Variants in MMP20 observed in about 807,000 individuals in gnomAD.
MMP20 encodes the protein matrix metalloproteinase-20.
Under a neutral mutation model 51.8 loss-of-function variants are expected in MMP20, and 50 were observed. The observed-to-expected ratio is 0.97, with a 90% CI of 0.77 to 1.22. The LOEUF is 1.22. MMP20 is among the 50% of genes most tolerant of loss of function. MMP20 has a pLI of 0.00. For missense variants in MMP20, 663 were observed against 601.4 expected, an observed-to-expected ratio of 1.10 and a Z score of -1.07; for synonymous variants, 244 against 216.2, an observed-to-expected ratio of 1.13 and a Z score of -1.13.
chr11:102,590,875 G>A (rs1042573538), intron 8 of MMP20, among the ~76,000 whole-genome samples: 1 of 152,148 alleles, frequency 6.6e-6, no homozygotes, highest in African/African-American at 2.4e-5. Context: ...CTCGAGTCAT[G>A]AGGCAACCAC....
At chr11:102,621,016 C>T (rs1050031720) in intron 1 of MMP20, among the ~76,000 whole-genome samples, 2 of 152,216 alleles carry the variant, frequency 1.3e-5, no homozygotes, top group African/African-American at 2.4e-5. Context: ...CACACATCTG[C>T]GTGGCTGGCC....
chr11:102,613,300 C>T (rs1047834371), intron 2 of MMP20, among the ~76,000 whole-genome samples: 1 of 152,184 alleles, frequency 6.6e-6, no homozygotes, highest in African/African-American at 2.4e-5. Flanking sequence ...TTGGGCTGGG[C>T]TGGAATATGA....
At position 102,610,001 on chromosome 11, in the gene MMP20, G is replaced by A; in HGVS notation, c.553C>T (p.Pro185Ser). ...DHGDSYPFDGPRGTLAHAFAP... is the reference protein window; with the variant it reads ...DHGDSYPFDGSRGTLAHAFAP... ...AATGCATGGGCTAGAGTCCCCCGAGGCCCATCGAATGGATAGGAATCCCCG... is the reference window on the plus strand; with the variant it reads ...AATGCATGGGCTAGAGTCCCCCGAGACCCATCGAATGGATAGGAATCCCCG... Residue 185 changes from proline to serine, a missense_variant, in exon 4 of 10, where the codon CCT becomes TCT. Coordinates refer to ENST00000260228, the MANE Select transcript of MMP20 (RefSeq NM_004771.4). 2 of 1,614,142 alleles carry A rather than the reference G, an allele frequency of 1.2e-6. No homozygotes were observed. Among genetic ancestry groups the A allele is most frequent in the Non-Finnish European group, 8.5e-7 (1 of 1,180,038 alleles).
chr11:102,618,186 A>AT (rs1449740783), intron 1 of MMP20, among the ~76,000 whole-genome samples: 2 of 152,196 alleles, frequency 1.3e-5, no homozygotes, highest in Non-Finnish European at 2.9e-5. Context: ...TCCCTGAAAC[A>AT]GATGCAACCG....
chr11:102,579,935 G>T (rs1023731434), intron 8 of MMP20, among the ~76,000 whole-genome samples: 4 of 152,116 alleles, frequency 2.6e-5, no homozygotes, highest in African/African-American at 9.7e-5. Flanking sequence ...TTTTATTCAT[G>T]AACTTAGTGC....
chr11:102,618,397 G>T (rs2098042481), intron 1 of MMP20, among the ~76,000 whole-genome samples: 1 of 151,340 alleles, frequency 6.6e-6, no homozygotes, highest in African/African-American at 2.4e-5. Context: ...TATGCAAATT[G>T]TTTACTTACA....
chr11:102,601,951 CTT>C lies in MMP20; in HGVS notation c.953+4582_953+4583del, dbSNP rs11367730. ...AAAAATGCTTTTCTTTTCTTTCTTT[CTT>C]TTTTTTTTTTTTTTGAGACGGAGTC... is the stretch of plus-strand genomic sequence containing the variant. On this transcript the variant is annotated intron_variant, in intron 6 of 9. Coordinates refer to ENST00000260228, the MANE Select transcript of MMP20 (RefSeq NM_004771.4). Among the ~76,000 whole-genome samples, 974 of 122,838 alleles carry C rather than the reference CTT, an allele frequency of 7.9e-3. 3 individuals carry two copies. Among genetic ancestry groups the C allele is most frequent in the African/African-American group, 0.02 (656 of 33,614 alleles). 80.6% of individuals were successfully genotyped at this position (122,838 alleles called of 152,430 possible).
At chr11:102,609,303 T>C (rs1372479844) in intron 4 of MMP20, among the ~76,000 whole-genome samples, 1 of 151,746 alleles carries the variant, frequency 6.6e-6, no homozygotes, top group African/African-American at 2.4e-5. Flanking sequence ...GGGTTGGGGG[T>C]GGGGGAGGAC....
chr11:102,577,531 T>C (rs1055071728), intron 9 of MMP20, 105 bp from the exon 10 acceptor site: 3 of 809,542 alleles, frequency 3.7e-6, no homozygotes, highest in African/African-American at 3.4e-5. Context: ...AAAGAGGAAT[T>C]GTGAATTTGT....
intron 8 of MMP20, among the ~76,000 whole-genome samples, chr11:102,581,694 A>G (rs1227002140): frequency 6.6e-6 from 1 of 152,198 alleles, no homozygotes; most frequent in African/African-American, 2.4e-5. Context: ...ATCTTGAGTG[A>G]ATCATGTAAC....
intron 1 of MMP20, among the ~76,000 whole-genome samples, chr11:102,620,962 C>T (rs951850632): frequency 2.0e-5 from 3 of 152,208 alleles, no homozygotes; most frequent in African/African-American, 7.2e-5. Context: ...GCAGCTTTCT[C>T]ACACTGTCCG....
At chr11:102,610,761 T>C (rs931837846) in intron 3 of MMP20, among the ~76,000 whole-genome samples, 1 of 151,270 alleles carries the variant, frequency 6.6e-6, no homozygotes, top group African/African-American at 2.4e-5. Context: ...TTTAGTTTGT[T>C]TTTTTTTTTT....
chr11:102,623,648 A>G (rs1859779657), intron 1 of MMP20, among the ~76,000 whole-genome samples: 1 of 152,194 alleles, frequency 6.6e-6, no homozygotes, highest in Non-Finnish European at 1.5e-5. Flanking sequence ...AATAATTAAT[A>G]TTCTTTGCTT....
chr11:102,606,755 G>T, intron 5 of MMP20, 79 bp from the exon 6 acceptor site: 1 of 1,535,148 alleles, frequency 6.5e-7, no homozygotes. Flanking sequence ...CCCCAGGGGA[G>T]GTTGTACACT....
At chr11:102,602,159 G>A (rs1362538363) in intron 6 of MMP20, among the ~76,000 whole-genome samples, 2 of 131,826 alleles carry the variant, frequency 1.5e-5, no homozygotes, top group South Asian at 2.6e-4. Flanking sequence ...TAGTAGAGAC[G>A]GGGTTTCACC....
intron 5 of MMP20, 123 bp downstream of exon 5, chr11:102,608,814 A>G: frequency 9.7e-7 from 1 of 1,033,086 alleles, no homozygotes; most frequent in Non-Finnish European, 1.5e-6. Flanking sequence ...ACAAGAAGGC[A>G]TAGTTGGGGT....
intron 2 of MMP20, among the ~76,000 whole-genome samples, chr11:102,616,115 G>T (rs921818985): frequency 1.3e-5 from 2 of 152,140 alleles, no homozygotes; most frequent in African/African-American, 4.8e-5. Context: ...AGAGGATTAG[G>T]GGAGGGAAGA....
chr11:102,618,560 A>T (rs971214329), intron 1 of MMP20, among the ~76,000 whole-genome samples: 1 of 152,008 alleles, frequency 6.6e-6, no homozygotes, highest in Non-Finnish European at 1.5e-5. Flanking sequence ...TGAAAAATAA[A>T]TATTTAATGG....
At chr11:102,625,006 A>G (rs6590977) in intron 1 of MMP20, among the ~76,000 whole-genome samples, 188 bp downstream of exon 1, 1,899 of 152,308 alleles carry the variant, frequency 0.012, 42 homozygotes, top group African/African-American at 0.043. Context: ...CAGTCATGTA[A>G]CATGGTACAC....
Sources: gnomAD v4.1 joint callset for allele counts (sites outside exome capture counted in the v4.1 genomes callset) on GRCh38, gnomAD v4.1.1 for gene constraint, MANE v1.5 for transcripts, NCBI Gene and HGNC (gene_info 2026-07-23, HGNC 2026-07-21) for gene names.